The following RPRD1A variants were observed in gnomAD, a reference collection of about 807,000 sequenced individuals.
RPRD1A encodes regulation of nuclear pre-mRNA domain-containing protein 1A.
Under a neutral mutation model 37.8 loss-of-function variants are expected in RPRD1A, and 9 were observed. The ratio of observed to expected loss-of-function variants is 0.24; its 90% CI spans 0.14 to 0.42. RPRD1A has a LOEUF of 0.42. Ranked by LOEUF, RPRD1A falls within the 10% of genes least tolerant of loss-of-function variation. RPRD1A has a pLI of 1.00. For synonymous variants in RPRD1A, 138 were observed against 139.7 expected (o/e 0.99, Z 0.08); for missense variants, 255 against 371.0 (o/e 0.69, Z 2.57).
Position 35,990,970 on chromosome 18 carries a change from A to G in RPRD1A, c.*2181T>C, listed in dbSNP as rs1358695684. The G allele has an allele frequency of 6.6e-6, 1 of 152,184 alleles. No individual in the cohort carries two copies. Among genetic ancestry groups the G allele is most frequent in the African/African-American group, 2.4e-5 (1 of 41,446 alleles). The allele number at this position is 152,184 out of a possible 1,614,324, so 9.4% of individuals were successfully genotyped here. Reference sequence around the variant, plus strand: ...GGGATTCAGGTTTTTGAGTACTATCACTTATCACAAATCTCATCAAGCTCT... The same window carrying G: ...GGGATTCAGGTTTTTGAGTACTATCGCTTATCACAAATCTCATCAAGCTCT... On this transcript the variant is annotated 3_prime_UTR_variant, in exon 7 of 7. Coordinates refer to ENST00000399022, the MANE Select transcript of RPRD1A (RefSeq NM_018170.5).
intron 1 of RPRD1A, among the ~76,000 whole-genome samples, chr18:36,042,599 TG>T (rs1204679511): frequency 6.6e-6 from 1 of 152,242 alleles, no homozygotes; most frequent in African/African-American, 2.4e-5. Context: ...TTAAATGTAT[TG>T]AAGTTCAACT....
At chr18:36,026,782 T>G (rs189793655) in intron 6 of RPRD1A, 118 bp downstream of exon 6, 1 of 783,364 alleles carries the variant, frequency 1.3e-6, no homozygotes, top group East Asian at 2.8e-5. Context: ...CCTGGGCTAC[T>G]GCTTAAAAAG....
intron 1 of RPRD1A, among the ~76,000 whole-genome samples, chr18:36,046,530 A>C (rs1231869482): frequency 6.6e-6 from 1 of 152,052 alleles, no homozygotes; most frequent in African/African-American, 2.4e-5. Flanking sequence ...GTTAAGATTA[A>C]GTAAAATCTA....
intron 6 of RPRD1A, among the ~76,000 whole-genome samples, chr18:35,996,351 A>G (rs1195788355): frequency 6.6e-6 from 1 of 152,218 alleles, no homozygotes; most frequent in Non-Finnish European, 1.5e-5. Context: ...TAATCTTCAC[A>G]AAAATGCTAA....
intron 6 of RPRD1A, among the ~76,000 whole-genome samples, chr18:36,013,600 G>A (rs1480622301): frequency 6.6e-6 from 1 of 152,176 alleles, no homozygotes; most frequent in Non-Finnish European, 1.5e-5. Context: ...CAGTGAAGCT[G>A]TTGTCCACGG....
chr18:36,042,167 C>T (rs1475745170), intron 1 of RPRD1A, among the ~76,000 whole-genome samples: 3 of 152,196 alleles, frequency 2.0e-5, no homozygotes, highest in African/African-American at 7.2e-5. Flanking sequence ...ATATTTTAGA[C>T]CTCAGTTAAA....
At chr18:36,064,250 G>C (rs890604595) in intron 1 of RPRD1A, 3 of 152,032 alleles carry the variant, frequency 2.0e-5, no homozygotes, top group Admixed American at 2.0e-4. Context: ...GGTGTAGAGA[G>C]AGAGGCGCCG....
chr18:35,990,602 G>C lies in RPRD1A; in HGVS notation c.*2549C>G, dbSNP rs1282354215. Reference sequence around the variant, plus strand: ...CTCCAGACAGCTCTCTGCACTGTATGTGGAGAAAAGAGTGATGGCATCCAT... The same window carrying C: ...CTCCAGACAGCTCTCTGCACTGTATCTGGAGAAAAGAGTGATGGCATCCAT... On this transcript the variant is annotated 3_prime_UTR_variant, in exon 7 of 7. Transcript: ENST00000399022. 6.6e-6 allele frequency: 1 copy of C among 152,188 alleles called. No homozygotes were observed. The highest frequency in any genetic ancestry group is 2.4e-5 in the African/African-American group (1 of 41,434). The allele number at this position is 152,188 out of a possible 1,614,324, so 9.4% of individuals were successfully genotyped here.
chr18:36,059,106 T>C (rs1196762604), intron 1 of RPRD1A, among the ~76,000 whole-genome samples: 1 of 152,224 alleles, frequency 6.6e-6, no homozygotes, highest in African/African-American at 2.4e-5. Context: ...AACATCAAAC[T>C]GTATCCCATA....
intron 6 of RPRD1A, chr18:36,025,613 T>C: frequency 7.8e-7 from 1 of 1,287,050 alleles, no homozygotes; most frequent in South Asian, 1.2e-5. Flanking sequence ...GTTTGATATT[T>C]ATTTTTAGCA....
intron 4 of RPRD1A, among the ~76,000 whole-genome samples, chr18:36,030,281 T>G (rs1450350010): frequency 2.0e-5 from 3 of 151,046 alleles, no homozygotes; most frequent in Non-Finnish European, 3.0e-5. Flanking sequence ...GGCCAGGAGT[T>G]CAAGACCAGC....
chr18:36,052,031 T>C (rs1307383567), intron 1 of RPRD1A, among the ~76,000 whole-genome samples: 2 of 151,686 alleles, frequency 1.3e-5, no homozygotes. Flanking sequence ...CACATTATAA[T>C]CAGTCAAAAA....
chr18:36,060,743 G>T (rs1463472779), intron 1 of RPRD1A, among the ~76,000 whole-genome samples: 3 of 152,038 alleles, frequency 2.0e-5, no homozygotes, highest in Admixed American at 2.0e-4. Context: ...ATCTAACATA[G>T]CTTATTGAAA....
chr18:35,991,604 C>G lies in RPRD1A; in HGVS notation c.*1547G>C, dbSNP rs1908719886. The G allele has an allele frequency of 6.6e-6, 1 of 152,064 alleles. No individual in the cohort carries two copies. The highest frequency in any genetic ancestry group is 2.4e-5 in the African/African-American group (1 of 41,388). The allele number at this position is 152,064 out of a possible 1,614,324, so 9.4% of individuals were successfully genotyped here. A position where few individuals can be genotyped will look rare whatever the true frequency, so the allele number is the denominator to read the frequency against. ...CTATTCTTTCTGTGAGAAAATGCAC[C>G]CCAAGTCCCAAAAGTTGACTAAAAA... On this transcript the variant is annotated 3_prime_UTR_variant, in exon 7 of 7. Transcript: ENST00000399022.
intron 1 of RPRD1A, among the ~76,000 whole-genome samples, chr18:36,034,960 C>T (rs1229821452): frequency 3.3e-5 from 5 of 152,142 alleles, no homozygotes; most frequent in African/African-American, 7.2e-5. Context: ...ACTGTATAAC[C>T]TGGTTTGTCT....
At chr18:36,020,094 G>C (rs1382995280) in intron 6 of RPRD1A, among the ~76,000 whole-genome samples, 1 of 152,136 alleles carries the variant, frequency 6.6e-6, no homozygotes, top group Admixed American at 6.5e-5. Flanking sequence ...TGGAAGATGA[G>C]GACAGCTGCA....
In RPRD1A at chr18:36,030,567, A is replaced by G. The variant is rs146578416; in HGVS notation, c.486+241T>C. 1.9e-4 allele frequency among the ~76,000 whole-genome samples: 29 copies of G among 151,992 alleles called. No homozygotes were observed. In the East Asian group the frequency reaches 5.6e-3, roughly 29 times the overall value. The stretch of plus-strand genomic sequence containing the variant: ...TAGCTAACATCTCACATCTAACCAT[A>G]TTTGGCAATTAAAAATCCTCTTTCT... On this transcript the variant is annotated intron_variant, in intron 4 of 6. Coordinates refer to ENST00000399022, the MANE Select transcript of RPRD1A (RefSeq NM_018170.5).
At chr18:36,025,696 T>G (rs1042153433) in intron 6 of RPRD1A, 1 of 1,262,330 alleles carries the variant, frequency 7.9e-7, no homozygotes. Flanking sequence ...AGAAGCTCAA[T>G]AGAAGTTAAA....
Position 36,038,958 on chromosome 18 carries a change from G to GT in RPRD1A, c.152-5122dup, listed in dbSNP as rs559238414. On this transcript the variant is annotated intron_variant, in intron 1 of 6. Transcript: ENST00000399022. ...GTTGTATCTTGGAAGTAACTAATTT[G>GT]TTTTTTATTTTACAGGCTCATAGGT... Among the ~76,000 whole-genome samples, 14 of 152,262 alleles carry GT rather than the reference G, an allele frequency of 9.2e-5. No individual in the cohort carries two copies. In the South Asian group the frequency reaches 2.9e-3, roughly 32 times the overall value.
Sources: gnomAD v4.1 joint callset for allele counts (sites outside exome capture counted in the v4.1 genomes callset) on GRCh38, gnomAD v4.1.1 for gene constraint, MANE v1.5 for transcripts, NCBI Gene and HGNC (gene_info 2026-07-23, HGNC 2026-07-21) for gene names.